The following STARD13 variants were observed in gnomAD, a reference collection of about 807,000 sequenced individuals.
STARD13 encodes StAR related lipid transfer domain containing 13.
Under a neutral mutation model 106.4 loss-of-function variants are expected in STARD13, and 62 were observed. The observed-to-expected ratio is 0.58, with a 90% CI of 0.48 to 0.72. The LOEUF (loss-of-function observed/expected upper bound fraction) is 0.72. Ranked by LOEUF, STARD13 falls within the 30% of genes least tolerant of loss-of-function variation. The probability of loss-of-function intolerance (pLI) is 0.00; values close to 1 mark genes in which losing one functional copy is unlikely to be tolerated. For synonymous variants in STARD13, 565 were observed against 553.0 expected (o/e 1.02, Z -0.31); for missense variants, 1,387 against 1,424.0 (o/e 0.97, Z 0.42).
chr13:33,467,696 A>G, the STARD13 span, among the ~76,000 whole-genome samples: 1 of 152,310 alleles, frequency 6.6e-6, no homozygotes, highest in South Asian at 2.1e-4. Flanking sequence ...TGAGAGAGCT[A>G]CCATGCGCCA....
At chr13:33,321,179 A>C (rs4435108) in intron 1 of STARD13, among the ~76,000 whole-genome samples, 115,627 of 152,012 alleles carry the variant, frequency 0.76, 44,398 homozygotes, top group East Asian at 0.97. Flanking sequence ...CACCTAGTAA[A>C]CCTGATTTCT....
chr13:33,248,616 C>T (rs998933775), intron 1 of STARD13, among the ~76,000 whole-genome samples: 1 of 152,156 alleles, frequency 6.6e-6, no homozygotes, highest in Admixed American at 6.5e-5. Context: ...TTCCTCTTCC[C>T]TGTTTTTTGT....
chr13:33,195,614 G>A (rs184539231), intron 1 of STARD13, among the ~76,000 whole-genome samples: 9 of 152,290 alleles, frequency 5.9e-5, no homozygotes, highest in African/African-American at 1.4e-4. Flanking sequence ...AAGCCGACAC[G>A]TAGCACCCAC....
chr13:33,175,965 C>T (rs998928956), intron 1 of STARD13, among the ~76,000 whole-genome samples: 3 of 152,112 alleles, frequency 2.0e-5, no homozygotes, highest in African/African-American at 7.2e-5. Flanking sequence ...AGGGGAAAAC[C>T]TTGCCATGTA....
chr13:33,457,575 A>C, the STARD13 span, among the ~76,000 whole-genome samples: 7 of 152,202 alleles, frequency 4.6e-5, no homozygotes, highest in African/African-American at 1.7e-4. Context: ...GGGCTGCTAT[A>C]CTAAACTACC....
chr13:33,328,642 C>A (rs988586990), intron 1 of STARD13, among the ~76,000 whole-genome samples: 1 of 152,230 alleles, frequency 6.6e-6, no homozygotes, highest in Admixed American at 6.5e-5. Context: ...GCACAACTAT[C>A]TCTCTAATTT....
At chr13:33,608,799 G>T in the STARD13 span, among the ~76,000 whole-genome samples, 4 of 152,070 alleles carry the variant, frequency 2.6e-5, no homozygotes. Flanking sequence ...ATGAAATATT[G>T]ATACAGGCTG....
chr13:33,167,439 G>A (rs538931089), intron 2 of STARD13, 112 bp downstream of exon 2: 14 of 1,079,644 alleles, frequency 1.3e-5, no homozygotes, highest in Non-Finnish European at 1.6e-5. Context: ...AAAAGAAAGC[G>A]AAGCAAAATG....
At chr13:33,256,481 A>G (rs1748397673) in intron 1 of STARD13, among the ~76,000 whole-genome samples, 1 of 152,198 alleles carries the variant, frequency 6.6e-6, no homozygotes, top group East Asian at 1.9e-4. Flanking sequence ...CAGCACATTG[A>G]CAGTTCAGCA....
intron 1 of STARD13, among the ~76,000 whole-genome samples, chr13:33,196,317 G>C (rs541167217): frequency 2.0e-5 from 3 of 152,286 alleles, no homozygotes; most frequent in East Asian, 3.9e-4. Context: ...TGGAACCTGG[G>C]GGGCAAAGTG....
chr13:33,662,078 C>T, the STARD13 span, among the ~76,000 whole-genome samples: 138 of 151,836 alleles, frequency 9.1e-4, 1 homozygote, highest in African/African-American at 2.1e-3. Flanking sequence ...CTGGCTAACA[C>T]GGTGAAACCC....
At chr13:33,623,219 G>A in the STARD13 span, among the ~76,000 whole-genome samples, 1 of 151,976 alleles carries the variant, frequency 6.6e-6, no homozygotes, top group Non-Finnish European at 1.5e-5. Flanking sequence ...GAAACATCTT[G>A]AAAATGAGAT....
At chr13:33,297,937 C>T (rs988285606) in intron 1 of STARD13, among the ~76,000 whole-genome samples, 2 of 152,014 alleles carry the variant, frequency 1.3e-5, no homozygotes, top group Non-Finnish European at 2.9e-5. Context: ...CTCCAGTGTT[C>T]AAAATAATTT....
chr13:33,159,999 G>T (rs1190982424), intron 3 of STARD13, among the ~76,000 whole-genome samples: 6 of 152,098 alleles, frequency 3.9e-5, no homozygotes, highest in African/African-American at 1.2e-4. Flanking sequence ...AAATGTATAT[G>T]GAAAGTCAGA....
the STARD13 span, among the ~76,000 whole-genome samples, chr13:33,452,841 A>G: frequency 6.6e-6 from 1 of 152,258 alleles, no homozygotes; most frequent in Non-Finnish European, 1.5e-5. Context: ...AGCGATGTAT[A>G]TCAACATGAA....
At chr13:33,175,641 G>T (rs1347769031) in intron 1 of STARD13, among the ~76,000 whole-genome samples, 2 of 152,144 alleles carry the variant, frequency 1.3e-5, no homozygotes, top group Non-Finnish European at 2.9e-5. Context: ...TATCAGAAGG[G>T]CCTGTGGGTA....
chr13:33,531,104 G>C, the STARD13 span, among the ~76,000 whole-genome samples: 3 of 152,110 alleles, frequency 2.0e-5, no homozygotes, highest in Non-Finnish European at 4.4e-5. Flanking sequence ...TAAGTCTTAT[G>C]AGATCTGATG....
At chr13:33,332,137 C>T (rs2077843697) in intron 1 of STARD13, among the ~76,000 whole-genome samples, 1 of 152,152 alleles carries the variant, frequency 6.6e-6, no homozygotes, top group Non-Finnish European at 1.5e-5. Flanking sequence ...GACCCCATTC[C>T]CTAAACCTCT....
At chr13:33,488,989 C>G in the STARD13 span, among the ~76,000 whole-genome samples, 1 of 152,228 alleles carries the variant, frequency 6.6e-6, no homozygotes, top group Non-Finnish European at 1.5e-5. Flanking sequence ...GTTGAACACA[C>G]CCTGCTGACT....
Sources: allele counts gnomAD v4.1 joint callset (sites outside exome capture counted in the v4.1 genomes callset), GRCh38; gene constraint gnomAD v4.1.1; transcripts MANE v1.5; gene names NCBI Gene and HGNC (gene_info 2026-07-23, HGNC 2026-07-21).